The following BDNF variants were observed in gnomAD, a reference collection of about 807,000 sequenced individuals.
The protein encoded by BDNF is brain derived neurotrophic factor, also known as neurotrophic factor BDNF precursor form.
Under a neutral mutation model 19.5 loss-of-function variants are expected in BDNF, and 1 was observed. The observed-to-expected ratio is 0.05, with a 90% CI of 0.02 to 0.24. The LOEUF (loss-of-function observed/expected upper bound fraction) is 0.24, where lower values mean the gene tolerates loss of function less well. Among genes scored for constraint, BDNF ranks in the 10% least tolerant of loss-of-function variants. The probability of loss-of-function intolerance (pLI) is 1.00; values close to 1 mark genes in which losing one functional copy is unlikely to be tolerated. For missense variants in BDNF, 195 were observed against 317.6 expected (o/e 0.61, Z 2.93); for synonymous variants, 100 against 121.6 (o/e 0.82, Z 1.17).
At chr11:27,667,715 T>A (rs1412964540) in intron 1 of BDNF, among the ~76,000 whole-genome samples, 1 of 152,174 alleles carries the variant, frequency 6.6e-6, no homozygotes, top group Non-Finnish European at 1.5e-5. Flanking sequence ...CAAGAAGAGC[T>A]AACTATCCTA....
At position 27,658,848 on chromosome 11, in the gene BDNF, CA is replaced by C; in HGVS notation, c.-21-264del. On this transcript the variant is annotated intron_variant, in intron 1 of 1. Coordinates refer to ENST00000356660, the MANE Select transcript of BDNF (RefSeq NM_001709.5). The surrounding 1 kb of genome is among the most constrained non-coding windows in gnomAD (Gnocchi z 5.7). ...AGATTAGATGGCTTCTAAGCAAGTG[CA>C]AAAATTGTGGCTTCAAGTTCTCCTT... 7.5e-7 allele frequency: 1 copy of C among 1,332,346 alleles called. No homozygotes were observed. Among genetic ancestry groups the C allele is most frequent in the Non-Finnish European group, 9.7e-7 (1 of 1,034,582 alleles). The allele number at this position is 1,332,346 out of a possible 1,614,324, so 82.5% of individuals were successfully genotyped here. A position where few individuals can be genotyped will look rare whatever the true frequency, so the allele number is the denominator to read the frequency against.
At chr11:27,705,811 C>T (rs1860086118) in intron 1 of BDNF, among the ~76,000 whole-genome samples, 1 of 152,212 alleles carries the variant, frequency 6.6e-6, no homozygotes, top group South Asian at 2.1e-4. Context: ...TAGTTACAGT[C>T]ATTCAGTTGA....
intron 1 of BDNF, among the ~76,000 whole-genome samples, chr11:27,689,110 G>A (rs1453224696): frequency 2.0e-5 from 3 of 152,220 alleles, no homozygotes; most frequent in Non-Finnish European, 2.9e-5. Flanking sequence ...AAGGTGGACA[G>A]TAGGCCAGGG....
At chr11:27,677,538 A>T (rs1466741811) in intron 1 of BDNF, 1 of 151,976 alleles carries the variant, frequency 6.6e-6, no homozygotes, top group Non-Finnish European at 1.5e-5. Flanking sequence ...TCCGTCTCAA[A>T]AAAAAAACAG....
chr11:27,714,745 C>A (rs1469491329), intron 1 of BDNF, among the ~76,000 whole-genome samples: 1 of 152,048 alleles, frequency 6.6e-6, no homozygotes, highest in Non-Finnish European at 1.5e-5. Flanking sequence ...TAGTTATAGA[C>A]TATATCTTTT....
chr11:27,703,703 A>G (rs565074923), upstream of BDNF, among the ~76,000 whole-genome samples: 10 of 152,316 alleles, frequency 6.6e-5, no homozygotes, highest in Non-Finnish European at 1.3e-4. Context: ...TTTACTGAGG[A>G]AAAGACAGAG....
intron 1 of BDNF, among the ~76,000 whole-genome samples, chr11:27,679,498 G>C (rs2133949663): frequency 6.6e-6 from 1 of 152,256 alleles, no homozygotes; most frequent in East Asian, 1.9e-4. Context: ...ATGCAAAGTG[G>C]GAATAATTAA....
intron 1 of BDNF, among the ~76,000 whole-genome samples, chr11:27,682,521 C>T (rs1000825125): frequency 1.3e-5 from 2 of 151,834 alleles, no homozygotes; most frequent in Admixed American, 6.6e-5. Context: ...AACTTGTCAT[C>T]TACATTAGGT....
chr11:27,713,619 C>T (rs1203524963), intron 1 of BDNF, among the ~76,000 whole-genome samples: 1 of 152,172 alleles, frequency 6.6e-6, no homozygotes, highest in Non-Finnish European at 1.5e-5. Flanking sequence ...CATGGTGCTA[C>T]AAGGAAATTT....
chr11:27,661,949 C>G (rs926053952), intron 1 of BDNF, among the ~76,000 whole-genome samples: 1 of 152,202 alleles, frequency 6.6e-6, no homozygotes, highest in Non-Finnish European at 1.5e-5. Context: ...TGCCTTCCTT[C>G]CCTAAAATTC....
At chr11:27,682,679 T>G (rs1790921161) in intron 1 of BDNF, among the ~76,000 whole-genome samples, 1 of 152,052 alleles carries the variant, frequency 6.6e-6, no homozygotes, top group East Asian at 1.9e-4. Flanking sequence ...TGTTCCTGTG[T>G]TACCTTGCCA....
At chr11:27,706,670 T>G (rs1347237279) in intron 1 of BDNF, among the ~76,000 whole-genome samples, 4 of 152,120 alleles carry the variant, frequency 2.6e-5, no homozygotes, top group African/African-American at 9.7e-5. Context: ...TTTCTGAAAA[T>G]GTGGAGCCCC....
chr11:27,707,615 T>C (rs181742817), intron 1 of BDNF, among the ~76,000 whole-genome samples: 14 of 152,300 alleles, frequency 9.2e-5, no homozygotes, highest in East Asian at 1.9e-4. Context: ...TCTAGTTGGA[T>C]ATAGGAAAGG....
At chr11:27,687,521 C>T (rs948178807) in intron 1 of BDNF, among the ~76,000 whole-genome samples, 4 of 152,224 alleles carry the variant, frequency 2.6e-5, no homozygotes, top group Non-Finnish European at 5.9e-5. Context: ...CCTTTTTGTG[C>T]TGGATTTTCC....
intron 1 of BDNF, among the ~76,000 whole-genome samples, chr11:27,665,994 T>A (rs1047779754): frequency 6.6e-6 from 1 of 152,138 alleles, no homozygotes; most frequent in Non-Finnish European, 1.5e-5. Context: ...GACCCCTGAG[T>A]AGCCTAACTG....
chr11:27,661,521 C>T (rs1207772494), intron 1 of BDNF, among the ~76,000 whole-genome samples: 2 of 152,146 alleles, frequency 1.3e-5, no homozygotes, highest in East Asian at 3.9e-4. Context: ...CTCACCACCT[C>T]ATTTTGTGAC....
chr11:27,658,436 C>T lies in BDNF; in HGVS notation c.129G>A (p.Leu43=). ...AYPGVRTHGT[L]ESVNGPKAGS... is the part of the protein sequence containing the mutation. Reference sequence around the variant, plus strand: ...CTGCCTTGGGCCCATTCACGCTCTCCAGAGTCCCATGGGTCCGCACACCTG... The same window carrying T: ...CTGCCTTGGGCCCATTCACGCTCTCTAGAGTCCCATGGGTCCGCACACCTG... The change falls in exon 2 of 2, where the codon CTG becomes CTA. Residue 43 remains leucine (L), a synonymous_variant. Coordinates refer to ENST00000356660, the MANE Select transcript of BDNF (RefSeq NM_001709.5). The surrounding 1 kb of genome is among the most constrained non-coding windows in gnomAD (Gnocchi z 5.7). 2.5e-6 allele frequency: 4 copies of T among 1,614,226 alleles called. No individual in the cohort carries two copies. Among genetic ancestry groups the T allele is most frequent in the Non-Finnish European group, 3.4e-6 (4 of 1,180,050 alleles).
At chr11:27,714,079 C>T (rs1345858688) in intron 1 of BDNF, among the ~76,000 whole-genome samples, 1 of 152,236 alleles carries the variant, frequency 6.6e-6, no homozygotes, top group Non-Finnish European at 1.5e-5. Flanking sequence ...GCTGCCTCAT[C>T]AAAGGGCAAT....
intron 1 of BDNF, among the ~76,000 whole-genome samples, chr11:27,671,272 G>T (rs994120586): frequency 6.6e-6 from 1 of 151,584 alleles, no homozygotes; most frequent in Non-Finnish European, 1.5e-5. Context: ...AAACCTGCAG[G>T]TTGTGCACAT....
Sources: gnomAD v4.1 joint callset for allele counts (sites outside exome capture counted in the v4.1 genomes callset) on GRCh38, gnomAD v4.1.1 for gene constraint, Gnocchi (gnomAD v3.1) non-coding constraint, MANE v1.5 for transcripts, NCBI Gene and HGNC (gene_info 2026-07-23, HGNC 2026-07-21) for gene names.